Variants in DDX10 observed in about 807,000 individuals in gnomAD.
DDX10 encodes the protein probable ATP-dependent RNA helicase DDX10.
A neutral mutation model predicts 104.3 loss-of-function variants in DDX10; 74 were observed. The ratio of observed to expected loss-of-function variants is 0.71; its 90% CI spans 0.59 to 0.86. The LOEUF (loss-of-function observed/expected upper bound fraction) is 0.86, where lower values mean the gene tolerates loss of function less well. DDX10 is among the 40% of genes least tolerant of loss of function. DDX10 has a pLI of 0.00. For missense variants in DDX10, 952 were observed against 1,040.0 expected (o/e 0.92, Z 1.16); for synonymous variants, 351 against 353.4 (o/e 0.99, Z 0.08).
chr11:108,922,668 A>G (rs1238996571), intron 17 of DDX10, among the ~76,000 whole-genome samples: 1 of 152,240 alleles, frequency 6.6e-6, no homozygotes, highest in African/African-American at 2.4e-5. Context: ...ACCCTCTAAA[A>G]TTATCAGAAT....
intron 10 of DDX10, among the ~76,000 whole-genome samples, chr11:108,713,871 A>G (rs1413237941): frequency 6.6e-6 from 1 of 152,148 alleles, no homozygotes; most frequent in Non-Finnish European, 1.5e-5. Flanking sequence ...TTGTGAGCCT[A>G]TGCCTCCGGA....
chr11:108,852,216 G>T lies in DDX10; in HGVS notation c.2304+7G>T. Reference sequence around the variant, plus strand: ...CAACAAGAGACAAGCAAAGGTAAGGGTTTATATACATTTATTTTTCCAAGC... The same window carrying T: ...CAACAAGAGACAAGCAAAGGTAAGGTTTTATATACATTTATTTTTCCAAGC... On this transcript the variant is annotated splice_region_variant and intron_variant, in intron 16 of 17. Transcript: ENST00000322536. 1 of 1,606,254 alleles carries T rather than the reference G, an allele frequency of 6.2e-7. No homozygotes were observed. The highest frequency in any genetic ancestry group is 8.5e-7 in the Non-Finnish European group (1 of 1,175,312).
chr11:108,803,548 C>G (rs886479739), intron 13 of DDX10, among the ~76,000 whole-genome samples: 12 of 139,586 alleles, frequency 8.6e-5, no homozygotes, highest in African/African-American at 3.3e-4. Context: ...GAGCTGAGAT[C>G]ACACCATTGC....
intron 16 of DDX10, among the ~76,000 whole-genome samples, chr11:108,876,275 C>T (rs188446663): frequency 7.9e-5 from 12 of 152,182 alleles, no homozygotes; most frequent in African/African-American, 2.9e-4. Flanking sequence ...CTTCCTCTTA[C>T]CATGTTATAT....
chr11:108,704,258 C>G (rs1315726583), intron 9 of DDX10, among the ~76,000 whole-genome samples: 1 of 152,166 alleles, frequency 6.6e-6, no homozygotes, highest in Non-Finnish European at 1.5e-5. Context: ...AGTTCTTGCC[C>G]TATGTAGATT....
intron 16 of DDX10, among the ~76,000 whole-genome samples, chr11:108,857,141 T>A (rs933997132): frequency 6.6e-6 from 1 of 152,224 alleles, no homozygotes; most frequent in African/African-American, 2.4e-5. Flanking sequence ...GAATCTTCAT[T>A]CCCTGTTATT....
At chr11:108,902,162 A>G (rs1863524944) in intron 16 of DDX10, among the ~76,000 whole-genome samples, 1 of 152,180 alleles carries the variant, frequency 6.6e-6, no homozygotes, top group Non-Finnish European at 1.5e-5. Flanking sequence ...CTAACAAAGA[A>G]TTTACTGGGG....
rs577697740 is a variant in DDX10 at position 108,840,244 on chromosome 11, G to A, written c.2086-1071G>A. Among the ~76,000 whole-genome samples, 12 of 152,280 alleles carry A rather than the reference G, an allele frequency of 7.9e-5. No homozygotes were observed. The South Asian group carries it at 2.5e-3, about 32-fold the overall frequency. On this transcript the variant is annotated intron_variant, in intron 14 of 17. Transcript: ENST00000322536. ...ACCCCATTGGTTGCTAAAAGTTGAG[G>A]CTCCATAGGAATCTCATCTTGAAGA...
Position 108,798,583 on chromosome 11 carries a change from G to A in DDX10, c.1966-39863G>A, listed in dbSNP as rs536435239. ...TTTTGTGACTGGCTTGTTTCACTTA[G>A]CATCGTGTTCTCCCTCTTGTAGCAT... On this transcript the variant is annotated intron_variant, in intron 13 of 17. Coordinates refer to ENST00000322536, the MANE Select transcript of DDX10 (RefSeq NM_004398.4). Among the ~76,000 whole-genome samples, 6 of 152,242 alleles carry A rather than the reference G, an allele frequency of 3.9e-5. No individual in the cohort carries two copies. The South Asian group carries it at 1.2e-3, about 32-fold the overall frequency.
chr11:108,834,775 A>G (rs961910430), intron 13 of DDX10, among the ~76,000 whole-genome samples: 4 of 151,890 alleles, frequency 2.6e-5, no homozygotes, highest in African/African-American at 9.7e-5. Flanking sequence ...AAAATACAAA[A>G]AAATTAGCCG....
chr11:108,809,222 G>T (rs1173980308), intron 13 of DDX10, among the ~76,000 whole-genome samples: 1 of 152,134 alleles, frequency 6.6e-6, no homozygotes, highest in Non-Finnish European at 1.5e-5. Context: ...TAGAGTAGTG[G>T]GGATCAGAAA....
At chr11:108,918,074 T>C in intron 17 of DDX10, 56 bp downstream of exon 17, 2 of 1,546,144 alleles carry the variant, frequency 1.3e-6, no homozygotes, top group South Asian at 2.2e-5. Flanking sequence ...ATCAGTCTTT[T>C]AATGAATCCA....
chr11:108,886,869 C>T (rs1863302835), intron 16 of DDX10, among the ~76,000 whole-genome samples: 1 of 152,214 alleles, frequency 6.6e-6, no homozygotes, highest in Admixed American at 6.5e-5. Context: ...TCATTCAAAA[C>T]TGGTTTCATC....
At chr11:108,694,406 G>T (rs552207428) in intron 9 of DDX10, among the ~76,000 whole-genome samples, 10 of 152,154 alleles carry the variant, frequency 6.6e-5, no homozygotes, top group African/African-American at 2.2e-4. Flanking sequence ...ACCTTCTAAA[G>T]TATAGGCTAA....
rs565869525 is a variant in DDX10, at chr11:108,715,017, G to C, written c.1323-862G>C. ...CAACGTGGTTCAGCCTAAAATCAGA[G>C]AAACAATGAGGTCTCTTTTGTGAAG... On this transcript the variant is annotated intron_variant, in intron 10 of 17. Coordinates refer to ENST00000322536, the MANE Select transcript of DDX10 (RefSeq NM_004398.4). Among the ~76,000 whole-genome samples the C allele has an allele frequency of 2.4e-5, 3 of 123,968 alleles. No individual in the cohort carries two copies. The East Asian group carries it at 9.2e-4, about 38-fold the overall frequency. 81.3% of individuals were successfully genotyped at this position (123,968 alleles called of 152,430 possible). A position where few individuals can be genotyped will look rare whatever the true frequency, so the allele number is the denominator to read the frequency against.
At chr11:108,913,514 C>T (rs763660445) in intron 16 of DDX10, among the ~76,000 whole-genome samples, 1 of 152,034 alleles carries the variant, frequency 6.6e-6, no homozygotes, top group Non-Finnish European at 1.5e-5. Context: ...TGTCCTTTGT[C>T]CACAAGGAAT....
At position 108,699,162 on chromosome 11, in the gene DDX10, A is replaced by C. The variant is rs2094264004; in HGVS notation, c.1223+5562A>C. Among the ~76,000 whole-genome samples, 4 of 148,654 alleles carry C rather than the reference A, an allele frequency of 2.7e-5. No homozygotes were observed. In the Admixed American group the frequency reaches 2.7e-4, roughly 10 times the overall value. ...CTAAGTGCTTAGAACAGGACCTGAC[A>C]TGTAGTAGACTACATTTGAGATAGT... is the stretch of plus-strand genomic sequence containing the variant. On this transcript the variant is annotated intron_variant, in intron 9 of 17. Transcript: ENST00000322536.
chr11:108,693,384 A>C (rs561769821), intron 8 of DDX10, 132 bp from the exon 9 acceptor site: 143 of 746,786 alleles, frequency 1.9e-4, no homozygotes, highest in Non-Finnish European at 3.1e-4. Flanking sequence ...TTTTATTTTT[A>C]ATAGAGTTCA....
At chr11:108,801,249 C>G (rs1272578337) in intron 13 of DDX10, among the ~76,000 whole-genome samples, 1 of 152,150 alleles carries the variant, frequency 6.6e-6, no homozygotes, top group African/African-American at 2.4e-5. Context: ...ATTATATGTC[C>G]TTACCTGCCT....
Sources: allele counts gnomAD v4.1 joint callset (sites outside exome capture counted in the v4.1 genomes callset), GRCh38; gene constraint gnomAD v4.1.1; transcripts MANE v1.5; gene names NCBI Gene and HGNC (gene_info 2026-07-23, HGNC 2026-07-21).